GIPR: variants seen among roughly 807,000 people sequenced by gnomAD.
GIPR encodes gastric inhibitory polypeptide receptor, also known as GIP-R.
A neutral mutation model predicts 62.2 loss-of-function variants in GIPR; 74 were observed. The ratio of observed to expected loss-of-function variants is 1.19; its 90% CI spans 0.99 to 1.44. GIPR has a LOEUF of 1.44. Among genes scored for constraint, GIPR ranks in the 40% most tolerant of loss-of-function variants. The pLI is 0.00. For synonymous variants in GIPR, 256 were observed against 262.2 expected, an observed-to-expected ratio of 0.98 and a Z score of 0.23; for missense variants, 664 against 611.8, an observed-to-expected ratio of 1.09 and a Z score of -0.90.
In GIPR at chr19:45,674,778, T is replaced by A; in HGVS notation, c.585T>A (p.Pro195=). 1 of 1,613,974 alleles carries A rather than the reference T, an allele frequency of 6.2e-7. No homozygotes were observed. The highest frequency in any genetic ancestry group is 8.5e-7 in the Non-Finnish European group (1 of 1,179,940). Residue 195 remains proline, a synonymous_variant, in exon 7 of 14, where the codon CCT becomes CCA. Coordinates refer to ENST00000590918, the MANE Select transcript of GIPR (RefSeq NM_000164.4). ...AAILSRDRLL[P]RPGPYLGDQA... ...TTCTCAGCCGAGACCGTCTGCTACC[T>A]CGACCTGGCCCCTACCTTGGGGACC...
At chr19:45,672,489 TAG>T (rs1368026980) in intron 4 of GIPR, 5 of 322,306 alleles carry the variant, frequency 1.6e-5, no homozygotes, top group African/African-American at 1.1e-4. Context: ...GTATTTTTAG[TAG>T]AGACAGGGTT....
Position 45,675,010 on chromosome 19 carries a change from G to A in GIPR, c.633+184G>A, listed in dbSNP as rs558824271. ...TTTGGAGAGGGAACCTCCCAACTCG[G>A]CCTCTGCCATCATTTAACTCTCCCA... On this transcript the variant is annotated intron_variant, in intron 7 of 13. Coordinates refer to ENST00000590918, the MANE Select transcript of GIPR (RefSeq NM_000164.4). The A allele has an allele frequency of 1.2e-5, 8 of 668,194 alleles. No individual in the cohort carries two copies. In the East Asian group the frequency reaches 2.1e-4, roughly 18 times the overall value. The allele number at this position is 668,194 out of a possible 1,614,324, so 41.4% of individuals were successfully genotyped here.
Position 45,681,691 on chromosome 19 carries a change from G to C in GIPR, c.1195-38G>C, listed in dbSNP as rs780721808. On this transcript the variant is annotated intron_variant, in intron 13 of 13. Coordinates refer to ENST00000590918, the MANE Select transcript of GIPR (RefSeq NM_000164.4). ...CGCCCCCGCCCTCTGGCGGCAGCGC[G>C]GGGTACGGCGCCGCCTCTGAGCGCC... 6.2e-6 allele frequency: 10 copies of C among 1,610,896 alleles called. No homozygotes were observed. In the African/African-American group the frequency reaches 6.7e-5, roughly 11 times the overall value.
rs1341407420 is a variant in GIPR, at chr19:45,673,462, A to G, written c.384+508A>G. ...AAAAAAAGAATGCTGTAGTTGGGCC[A>G]AGGTCAATGGCTCATGCCTATAATT... is the stretch of plus-strand genomic sequence containing the variant. On this transcript the variant is annotated intron_variant, in intron 5 of 13. Coordinates refer to ENST00000590918, the MANE Select transcript of GIPR (RefSeq NM_000164.4). Among the ~76,000 whole-genome samples, 3 of 150,684 alleles carry G rather than the reference A, an allele frequency of 2.0e-5. No homozygotes were observed. In the East Asian group the frequency reaches 5.9e-4, roughly 29 times the overall value.
At chr19:45,674,333 A>T in intron 6 of GIPR, 156 bp downstream of exon 6, 1 of 703,472 alleles carries the variant, frequency 1.4e-6, no homozygotes, top group South Asian at 1.5e-5. Context: ...TGTGGCCGGG[A>T]GCGGTGGCTG....
At position 45,681,601 on chromosome 19, in the gene GIPR, C is replaced by G; in HGVS notation, c.1153-3C>G. 6.2e-7 allele frequency: 1 copy of G among 1,613,704 alleles called. No homozygotes were observed. Among genetic ancestry groups the G allele is most frequent in the Non-Finnish European group, 8.5e-7 (1 of 1,179,850 alleles). On this transcript the variant is annotated splice_polypyrimidine_tract_variant and splice_region_variant and intron_variant, in intron 12 of 13. Coordinates refer to ENST00000590918, the MANE Select transcript of GIPR (RefSeq NM_000164.4). ...ATGTAACCTCCGCGCCTCCTCTGGG[C>G]AGGGCTTCCTGGTCAGCGTCCTCTA...
At chr19:45,670,490 G>A in intron 2 of GIPR, 145 bp from the exon 3 acceptor site, 1 of 584,648 alleles carries the variant, frequency 1.7e-6, no homozygotes, top group Non-Finnish European at 3.1e-6. Flanking sequence ...CCAAGACTTG[G>A]AACTGGTTTC....
At chr19:45,681,667 G>C (rs371121150) in intron 13 of GIPR, 22 bp downstream of exon 13, 1 of 1,612,698 alleles carries the variant, frequency 6.2e-7, no homozygotes, top group South Asian at 1.1e-5. Flanking sequence ...CCCGGCCGCC[G>C]CCCCCGCCCT....
intron 5 of GIPR, among the ~76,000 whole-genome samples, chr19:45,673,740 T>C (rs1446840388): frequency 6.6e-6 from 1 of 152,100 alleles, no homozygotes; most frequent in Non-Finnish European, 1.5e-5. Flanking sequence ...GGCACGCACC[T>C]GTAGTTCCAG....
intron 7 of GIPR, 148 bp downstream of exon 7, chr19:45,674,974 A>T: frequency 1.3e-6 from 1 of 784,106 alleles, no homozygotes; most frequent in Non-Finnish European, 2.2e-6. Context: ...GGGGTGGGGG[A>T]TCAAGACACA....
chr19:45,676,202 A>T (rs1342668804), intron 7 of GIPR, among the ~76,000 whole-genome samples: 2 of 39,398 alleles, frequency 5.1e-5, no homozygotes, highest in African/African-American at 2.4e-4. Context: ...GGCTCCGTCT[A>T]AAAAAAAAAA....
At chr19:45,680,754 C>A (rs7250736) in intron 12 of GIPR, among the ~76,000 whole-genome samples, 1 of 147,606 alleles carries the variant, frequency 6.8e-6, no homozygotes, top group Non-Finnish European at 1.5e-5. Context: ...TCGCTTGAAC[C>A]TGGGAGGCCA....
At chr19:45,669,660 C>A (rs997109887) in intron 2 of GIPR, 68 bp downstream of exon 2, 2 of 1,528,086 alleles carry the variant, frequency 1.3e-6, no homozygotes, top group South Asian at 1.2e-5. Flanking sequence ...TTAGGGCTTC[C>A]GTCGTCAGGG....
At position 45,682,466 on chromosome 19, in the gene GIPR, C is replaced by CTTA. The variant is rs375875747; in HGVS notation, c.*532_*534dup. The stretch of plus-strand genomic sequence containing the variant: ...TTTTTTAAAAAATGAGGATGTCACT[C>CTTA]TTACCCAGGTTGGTCTTGAACTCCT... On this transcript the variant is annotated 3_prime_UTR_variant, in exon 14 of 14. Coordinates refer to ENST00000590918, the MANE Select transcript of GIPR (RefSeq NM_000164.4). 6.5e-6 allele frequency: 1 copy of CTTA among 153,424 alleles called. No homozygotes were observed. Among genetic ancestry groups the CTTA allele is most frequent in the Non-Finnish European group, 1.5e-5 (1 of 68,882 alleles). 9.5% of individuals were successfully genotyped at this position (153,424 alleles called of 1,614,324 possible). A position where few individuals can be genotyped will look rare whatever the true frequency, so the allele number is the denominator to read the frequency against.
rs781138121 is a variant in GIPR at position 45,681,588 on chromosome 19, C to T, written c.1153-16C>T. 4.3e-6 allele frequency: 7 copies of T among 1,612,726 alleles called. No homozygotes were observed. The highest frequency in any genetic ancestry group is 2.7e-5 in the African/African-American group (2 of 74,922). On this transcript the variant is annotated splice_polypyrimidine_tract_variant and intron_variant, in intron 12 of 13. Coordinates refer to ENST00000590918, the MANE Select transcript of GIPR (RefSeq NM_000164.4). ...GCCCCCACCAGCGATGTAACCTCCGCGCCTCCTCTGGGCAGGGCTTCCTGG... is the reference window on the plus strand; with the variant it reads ...GCCCCCACCAGCGATGTAACCTCCGTGCCTCCTCTGGGCAGGGCTTCCTGG...
rs1053369159 is a variant in GIPR at position 45,683,087 on chromosome 19, G to A, written c.*1152G>A. On this transcript the variant is annotated 3_prime_UTR_variant, in exon 14 of 14. Coordinates refer to ENST00000590918, the MANE Select transcript of GIPR (RefSeq NM_000164.4). ...GACACAGCAGCAGAGAGGACTCCTT[G>A]GCTTTGGATGGTGGAGAGACTAAAG... 2 of 152,680 alleles carry A rather than the reference G, an allele frequency of 1.3e-5. No individual in the cohort carries two copies. Among genetic ancestry groups the A allele is most frequent in the Non-Finnish European group, 2.9e-5 (2 of 68,280 alleles). The allele number at this position is 152,680 out of a possible 1,614,324, so 9.5% of individuals were successfully genotyped here.
chr19:45,672,187 TA>T (rs1052880017), intron 4 of GIPR, among the ~76,000 whole-genome samples: 3 of 150,760 alleles, frequency 2.0e-5, no homozygotes, highest in Non-Finnish European at 3.0e-5. Context: ...TAATTTTTTT[TA>T]AAAAATTGGC....
chr19:45,680,187 C>A (rs531662942), intron 12 of GIPR, among the ~76,000 whole-genome samples: 36 of 152,222 alleles, frequency 2.4e-4, no homozygotes, highest in Middle Eastern at 6.8e-3. Flanking sequence ...CATGGAGAAA[C>A]CCTGTCTCTA....
In GIPR at chr19:45,677,791, C is replaced by T. The variant is rs1734084734; in HGVS notation, c.924+12C>T. 3 of 1,609,588 alleles carry T rather than the reference C, an allele frequency of 1.9e-6. No individual in the cohort carries two copies. Among genetic ancestry groups the T allele is most frequent in the Non-Finnish European group, 2.6e-6 (3 of 1,175,874 alleles). On this transcript the variant is annotated intron_variant, in intron 10 of 13. Coordinates refer to ENST00000590918, the MANE Select transcript of GIPR (RefSeq NM_000164.4). ...TCATGACCATCTTGGTAGGATCGGT[C>T]CCGCCTCCACCAGGCCGCCCTCAGG...
Sources: gnomAD v4.1 joint callset for allele counts (sites outside exome capture counted in the v4.1 genomes callset) on GRCh38, gnomAD v4.1.1 for gene constraint, MANE v1.5 for transcripts, NCBI Gene and HGNC (gene_info 2026-07-23, HGNC 2026-07-21) for gene names.